The following HYAL4 variants were observed in gnomAD, a reference collection of about 807,000 sequenced individuals.
HYAL4 encodes hyaluronidase 4.
Under a neutral mutation model 35.2 loss-of-function variants are expected in HYAL4, and 37 were observed. The observed-to-expected ratio is 1.05, with a 90% confidence interval of 0.81 to 1.38. The LOEUF (loss-of-function observed/expected upper bound fraction) is 1.38. Ranked by LOEUF, HYAL4 falls within the 40% of genes most tolerant of loss-of-function variation. The probability of loss-of-function intolerance (pLI) is 0.00; values close to 1 mark genes in which losing one functional copy is unlikely to be tolerated. For synonymous variants in HYAL4, 198 were observed against 203.2 expected, an observed-to-expected ratio of 0.97 and a Z score of 0.22; for missense variants, 572 against 572.4, an observed-to-expected ratio of 1.00 and a Z score of 0.01.
intron 3 of HYAL4, among the ~76,000 whole-genome samples, chr7:123,869,780 TG>T (rs1278364860): frequency 6.6e-6 from 1 of 151,444 alleles, no homozygotes; most frequent in Non-Finnish European, 1.5e-5. Context: ...CCCCACCTCC[TG>T]GGTTCAAGCG....
chr7:123,829,593 T>G (rs962524265), intron 1 of HYAL4, among the ~76,000 whole-genome samples: 3 of 152,130 alleles, frequency 2.0e-5, no homozygotes, highest in Non-Finnish European at 4.4e-5. Flanking sequence ...CTCAGGGAGC[T>G]TAAATACTTG....
At chr7:123,787,661 T>C in the HYAL4 span, among the ~76,000 whole-genome samples, 1 of 152,136 alleles carries the variant, frequency 6.6e-6, no homozygotes, top group Non-Finnish European at 1.5e-5. Context: ...TTTCAAACAA[T>C]AACCTCACCT....
chr7:123,773,937 T>G, the HYAL4 span, among the ~76,000 whole-genome samples: 1 of 152,084 alleles, frequency 6.6e-6, no homozygotes, highest in African/African-American at 2.4e-5. Flanking sequence ...TTACACTCTG[T>G]TATGCATGGC....
intron 2 of HYAL4, among the ~76,000 whole-genome samples, chr7:123,850,616 TC>T (rs1318315063): frequency 6.6e-6 from 1 of 152,198 alleles, no homozygotes; most frequent in Non-Finnish European, 1.5e-5. Flanking sequence ...GACCGAAGTC[TC>T]TTTACCTAAG....
chr7:123,846,265 G>T (rs529334024), intron 1 of HYAL4, among the ~76,000 whole-genome samples: 2 of 151,968 alleles, frequency 1.3e-5, no homozygotes, highest in East Asian at 1.9e-4. Flanking sequence ...GGACCATCAG[G>T]GGGGCAGGGC....
At chr7:123,768,069 C>A in the HYAL4 span, among the ~76,000 whole-genome samples, 1 of 152,034 alleles carries the variant, frequency 6.6e-6, no homozygotes, top group Non-Finnish European at 1.5e-5. Context: ...GGCAACCCTA[C>A]CACAAAGGTA....
intron 1 of HYAL4, among the ~76,000 whole-genome samples, chr7:123,838,942 A>G (rs1806010324): frequency 6.6e-6 from 1 of 151,422 alleles, no homozygotes; most frequent in African/African-American, 2.4e-5. Context: ...AGCATTTTGC[A>G]TTTCCATAAG....
At chr7:123,835,040 G>A (rs1172326585) in intron 1 of HYAL4, among the ~76,000 whole-genome samples, 2 of 149,816 alleles carry the variant, frequency 1.3e-5, no homozygotes, top group Non-Finnish European at 3.0e-5. Flanking sequence ...TCTGTAGTTT[G>A]TTTTTTTTTG....
At chr7:123,788,586 G>A in the HYAL4 span, among the ~76,000 whole-genome samples, 1 of 152,130 alleles carries the variant, frequency 6.6e-6, no homozygotes, top group Non-Finnish European at 1.5e-5. Flanking sequence ...TTCACATATT[G>A]TGAAGTTACT....
chr7:123,817,765 C>T, the HYAL4 span, among the ~76,000 whole-genome samples: 1 of 151,862 alleles, frequency 6.6e-6, no homozygotes, highest in African/African-American at 2.4e-5. Context: ...CCGCCTCAGC[C>T]TCCCAAAGTG....
chr7:123,861,878 T>A (rs1806582979), intron 2 of HYAL4, among the ~76,000 whole-genome samples: 1 of 152,146 alleles, frequency 6.6e-6, no homozygotes, highest in African/African-American at 2.4e-5. Context: ...TGGGCCTTAA[T>A]GAAATACTGT....
chr7:123,787,367 A>G, the HYAL4 span, among the ~76,000 whole-genome samples: 1 of 151,712 alleles, frequency 6.6e-6, no homozygotes, highest in East Asian at 1.9e-4. Context: ...TCTTAGCTTG[A>G]GTTCACTCCA....
At chr7:123,792,993 C>T in the HYAL4 span, among the ~76,000 whole-genome samples, 1 of 152,166 alleles carries the variant, frequency 6.6e-6, no homozygotes, top group Admixed American at 6.5e-5. Context: ...ATCCCAGTCC[C>T]CTAGACTGGT....
intron 2 of HYAL4, among the ~76,000 whole-genome samples, chr7:123,859,629 A>G (rs1806536022): frequency 6.6e-6 from 1 of 152,212 alleles, no homozygotes; most frequent in Non-Finnish European, 1.5e-5. Context: ...TGAGCATACA[A>G]TTTCTCAAAT....
upstream of HYAL4, chr7:123,828,883 T>G (rs991814963): frequency 4.6e-5 from 7 of 152,660 alleles, no homozygotes; most frequent in Non-Finnish European, 7.3e-5. Context: ...TACAAAACTT[T>G]AGGCATTAAT....
At chr7:123,801,153 A>G in the HYAL4 span, among the ~76,000 whole-genome samples, 2 of 152,122 alleles carry the variant, frequency 1.3e-5, no homozygotes, top group South Asian at 4.1e-4. Context: ...TGTCTCTACT[A>G]AAAATACAAA....
chr7:123,780,590 A>G, the HYAL4 span, among the ~76,000 whole-genome samples: 1 of 152,220 alleles, frequency 6.6e-6, no homozygotes, highest in South Asian at 2.1e-4. Flanking sequence ...AATATCTAAG[A>G]GTAGTTTTAG....
Position 123,868,809 on chromosome 7 carries a change from C to T in HYAL4, c.536C>T (p.Ser179Leu). The T allele has an allele frequency of 1.9e-6, 3 of 1,614,182 alleles. No homozygotes were observed. The highest frequency in any genetic ancestry group is 2.5e-6 in the Non-Finnish European group (3 of 1,180,028). ...KLISDMGKNV[S>L]ATDIEYLAKV... is the part of the protein sequence containing the mutation. ...ATTTCCGATATGGGAAAGAATGTAT[C>T]AGCTACCGATATTGAATATTTAGCC... Residue 179 changes from serine to leucine, a missense_variant, in exon 3 of 5, where the codon TCA becomes TTA. Physicochemically the swap from Ser to Leu is moderately radical, Grantham distance 145. Transcript: ENST00000223026.
chr7:123,767,709 T>C, the HYAL4 span, among the ~76,000 whole-genome samples: 2 of 152,174 alleles, frequency 1.3e-5, no homozygotes, highest in East Asian at 1.9e-4. Flanking sequence ...TTGAGTTAGG[T>C]TGATACAGCT....
Sources: allele counts gnomAD v4.1 joint callset (sites outside exome capture counted in the v4.1 genomes callset), GRCh38; gene constraint gnomAD v4.1.1; transcripts MANE v1.5; gene names NCBI Gene and HGNC (gene_info 2026-07-23, HGNC 2026-07-21).